Variants in TAOK1 observed in about 807,000 individuals in gnomAD.
TAOK1 encodes the protein TAO kinase 1.
TAOK1 carries 21 observed loss-of-function variants against 138.3 expected under a neutral mutation model. The ratio of observed to expected loss-of-function variants is 0.15; its 90% CI spans 0.11 to 0.22. TAOK1 has a LOEUF of 0.22. Ranked by LOEUF, TAOK1 falls within the 10% of genes least tolerant of loss-of-function variation. TAOK1 has a pLI of 1.00. For synonymous variants in TAOK1, 361 were observed against 398.4 expected (o/e 0.91, Z 1.12); for missense variants, 651 against 1,227.7 (o/e 0.53, Z 7.02).
At chr17:29,431,702 C>T (rs1056437709) in intron 1 of TAOK1, among the ~76,000 whole-genome samples, 4 of 151,742 alleles carry the variant, frequency 2.6e-5, no homozygotes, top group African/African-American at 4.8e-5. Context: ...TGCAATGGCG[C>T]GATCTCAGCT....
At chr17:29,490,376 A>G (rs2031274045) in intron 9 of TAOK1, among the ~76,000 whole-genome samples, 1 of 152,126 alleles carries the variant, frequency 6.6e-6, no homozygotes, top group Admixed American at 6.6e-5. Flanking sequence ...ACAGTATAAA[A>G]CTGTAGTAGA....
intron 17 of TAOK1, among the ~76,000 whole-genome samples, chr17:29,527,679 T>TGA (rs1196475525): frequency 2.0e-5 from 3 of 152,194 alleles, no homozygotes; most frequent in Non-Finnish European, 2.9e-5. Flanking sequence ...ATTTGTTGCA[T>TGA]GATGAATCAA....
At chr17:29,403,784 A>G (rs1368047982) in intron 1 of TAOK1, 3 of 152,090 alleles carry the variant, frequency 2.0e-5, no homozygotes, top group African/African-American at 7.2e-5. Flanking sequence ...AGCTCACTGC[A>G]GCCCTGACCT....
At chr17:29,488,540 C>A (rs528233417) in intron 8 of TAOK1, among the ~76,000 whole-genome samples, 1 of 148,640 alleles carries the variant, frequency 6.7e-6, no homozygotes, top group Non-Finnish European at 1.5e-5. Context: ...CCATTGCACT[C>A]CAGGCTGGGC....
In TAOK1 at chr17:29,522,476, G is replaced by A. The variant is rs573723039; in HGVS notation, c.2105G>A (p.Arg702Gln). ...AAGCGAAGAGAACGAGAACTAAGAC[G>A]AAAGCATGTCATGGAAGTTCGACAA... ...YNKRRERELRRKHVMEVRQQP... is the reference protein window; with the variant it reads ...YNKRRERELRQKHVMEVRQQP... Residue 702 changes from arginine to glutamine, a missense_variant, in exon 17 of 20, where the codon CGA becomes CAA. Physicochemically the swap from Arg to Gln is conservative, Grantham distance 43. Around this residue, in one of 8 missense-constraint regions of TAOK1, gnomAD observed 258 missense variants for 548.9 expected, o/e 0.47. Transcript: ENST00000261716. The A allele has an allele frequency of 3.1e-6, 5 of 1,614,160 alleles. No homozygotes were observed. In the South Asian group the frequency reaches 3.3e-5, roughly 11 times the overall value.
At chr17:29,516,832 T>G (rs2031825244) in intron 15 of TAOK1, among the ~76,000 whole-genome samples, 1 of 151,522 alleles carries the variant, frequency 6.6e-6, no homozygotes, top group South Asian at 2.1e-4. Flanking sequence ...GTTGTTGGTT[T>G]TTTTGTTTTG....
At chr17:29,411,149 T>C (rs1598469208) in intron 1 of TAOK1, among the ~76,000 whole-genome samples, 1 of 137,248 alleles carries the variant, frequency 7.3e-6, no homozygotes, top group African/African-American at 2.7e-5. Flanking sequence ...TGGAGTGCAG[T>C]GGCGGGATCT....
chr17:29,443,765 T>A (rs1393978321), intron 1 of TAOK1, among the ~76,000 whole-genome samples: 4 of 152,192 alleles, frequency 2.6e-5, no homozygotes, highest in Non-Finnish European at 4.4e-5. Flanking sequence ...TAAATGAAAA[T>A]CGTATATGCT....
chr17:29,429,071 A>T (rs1380035180), intron 1 of TAOK1, among the ~76,000 whole-genome samples: 1 of 152,000 alleles, frequency 6.6e-6, no homozygotes, highest in Non-Finnish European at 1.5e-5. Context: ...CAGGTGCTAT[A>T]GTTTGTTATC....
chr17:29,522,990 C>T (rs1162921214), intron 17 of TAOK1, among the ~76,000 whole-genome samples: 1 of 151,510 alleles, frequency 6.6e-6, no homozygotes, highest in Non-Finnish European at 1.5e-5. Flanking sequence ...CAGGAGAATC[C>T]CTTGAACCCA....
chr17:29,530,822 G>A (rs574213851), intron 18 of TAOK1: 1 of 591,608 alleles, frequency 1.7e-6, no homozygotes, highest in Admixed American at 3.0e-5. Context: ...GATACATTTA[G>A]ACATGAGGTT....
intron 3 of TAOK1, among the ~76,000 whole-genome samples, chr17:29,474,039 T>A (rs1361698301): frequency 6.6e-6 from 1 of 152,096 alleles, no homozygotes; most frequent in Non-Finnish European, 1.5e-5. Flanking sequence ...CCGGCCTACC[T>A]TGCATTTTTA....
At chr17:29,475,092 C>A (rs1381391828) in intron 3 of TAOK1, among the ~76,000 whole-genome samples, 4 of 151,916 alleles carry the variant, frequency 2.6e-5, no homozygotes, top group Non-Finnish European at 5.9e-5. Context: ...AGGTGCACAC[C>A]ACCACGCCCA....
chr17:29,519,011 C>T (rs975838523), intron 16 of TAOK1, among the ~76,000 whole-genome samples: 13 of 152,182 alleles, frequency 8.5e-5, no homozygotes, highest in South Asian at 4.2e-4. Context: ...AGGTGATCCA[C>T]CCACCTCGGC....
At chr17:29,426,653 C>T (rs1277486166) in intron 1 of TAOK1, among the ~76,000 whole-genome samples, 1 of 152,128 alleles carries the variant, frequency 6.6e-6, no homozygotes, top group African/African-American at 2.4e-5. Context: ...AGTTGCATAT[C>T]CTTAAAAGGA....
intron 13 of TAOK1, among the ~76,000 whole-genome samples, chr17:29,505,806 G>A (rs502099): frequency 0.42 from 63,192 of 151,852 alleles, 13,788 homozygotes; most frequent in Non-Finnish European, 0.48. Flanking sequence ...ATGGTGGTGC[G>A]TGCCAGTAGT....
chr17:29,458,428 G>C (rs935181012), intron 2 of TAOK1, among the ~76,000 whole-genome samples: 1 of 152,176 alleles, frequency 6.6e-6, no homozygotes. Flanking sequence ...TCCAACATTT[G>C]GTATTGACAG....
At chr17:29,432,477 G>T (rs1039626735) in intron 1 of TAOK1, among the ~76,000 whole-genome samples, 1 of 152,166 alleles carries the variant, frequency 6.6e-6, no homozygotes, top group African/African-American at 2.4e-5. Context: ...GGCCAGTTTT[G>T]GGGCCAGTTT....
intron 10 of TAOK1, among the ~76,000 whole-genome samples, chr17:29,492,966 C>T (rs549131855): frequency 3.0e-4 from 46 of 150,834 alleles, no homozygotes; most frequent in Admixed American, 3.3e-4. Flanking sequence ...AATGGTGAAA[C>T]CCTGTCTTTA....
Sources: allele counts gnomAD v4.1 joint callset (sites outside exome capture counted in the v4.1 genomes callset), GRCh38; gene constraint gnomAD v4.1.1; regional missense constraint gnomAD v4.1.1; transcripts MANE v1.5; gene names NCBI Gene and HGNC (gene_info 2026-07-23, HGNC 2026-07-21).